The following MPP4 variants were observed in gnomAD, a reference collection of about 807,000 sequenced individuals.
The protein encoded by MPP4 is MAGUK p55 scaffold protein 4.
A neutral mutation model predicts 98.3 loss-of-function variants in MPP4; 91 were observed. That is an observed-to-expected ratio of 0.93 (90% CI 0.78 to 1.10). The LOEUF (loss-of-function observed/expected upper bound fraction) is 1.10, where lower values mean the gene tolerates loss of function less well. MPP4 is among the 50% of genes least tolerant of loss of function. The pLI, the probability that MPP4 is intolerant of heterozygous loss-of-function variation, is 0.00. For missense variants in MPP4, 744 were observed against 792.9 expected (o/e 0.94, Z 0.74); for synonymous variants, 261 against 271.8 (o/e 0.96, Z 0.39).
chr2:201,660,433 C>T, intron 14 of MPP4, 87 bp from the exon 15 acceptor site: 4 of 1,452,784 alleles, frequency 2.8e-6, no homozygotes, highest in Non-Finnish European at 3.9e-6. Context: ...AGGCAAATGA[C>T]ATAAGCAAGA....
chr2:201,666,336 G>A lies in MPP4; in HGVS notation c.1049C>T (p.Ala350Val), dbSNP rs1373797199. ...DMKIDEKCVE[A>V]DEETFESEEL... ...AAGCAATCAAGAGAAAATGTTACCT[G>A]CTTCCACACATTTCTCATCAATCTT... The change falls in exon 13 of 22, where the codon GCA becomes GTA. Residue 350 changes from alanine (A) to valine (V), a missense_variant and splice_region_variant. Ala to Val is a moderately conservative substitution (Grantham distance 64). Transcript: ENST00000409474. The A allele has an allele frequency of 3.2e-6, 5 of 1,555,682 alleles. No individual in the cohort carries two copies. The highest frequency in any genetic ancestry group is 4.3e-6 in the Non-Finnish European group (5 of 1,149,630).
chr2:201,677,794 G>A (rs1439605290), intron 10 of MPP4, among the ~76,000 whole-genome samples: 1 of 152,186 alleles, frequency 6.6e-6, no homozygotes, highest in African/African-American at 2.4e-5. Context: ...TCATAGCAAA[G>A]TTGGAGAGGT....
At chr2:201,694,684 T>C (rs1689132658) in intron 1 of MPP4, among the ~76,000 whole-genome samples, 1 of 135,524 alleles carries the variant, frequency 7.4e-6, no homozygotes, top group South Asian at 2.5e-4. Flanking sequence ...GGCATGATCA[T>C]GGCTCATGAT....
Position 201,686,027 on chromosome 2 carries a change from C to G in MPP4, c.384G>C (p.Thr128=). The change falls in exon 6 of 22, where the codon ACG becomes ACC. Residue 128 remains threonine (T), a synonymous_variant. Coordinates refer to ENST00000409474, the MANE Select transcript of MPP4 (RefSeq NM_033066.3). ...GGGGTTCAAAATCTTTCTGAGCTATCGTGTCATGGGCACTGAGCAAGGCCT... is the reference window on the plus strand; with the variant it reads ...GGGGTTCAAAATCTTTCTGAGCTATGGTGTCATGGGCACTGAGCAAGGCCT... ...HFKALLSAHD[T]IAQKDFEPLL... is the part of the protein sequence containing the mutation. 6.2e-7 allele frequency: 1 copy of G among 1,612,074 alleles called. No individual in the cohort carries two copies. Among genetic ancestry groups the G allele is most frequent in the Non-Finnish European group, 8.5e-7 (1 of 1,178,438 alleles).
chr2:201,681,565 G>A lies in MPP4; in HGVS notation c.663C>T (p.Ala221=), dbSNP rs771307033. The A allele has an allele frequency of 7.4e-6, 12 of 1,613,108 alleles. No homozygotes were observed. Among genetic ancestry groups the A allele is most frequent in the Non-Finnish European group, 1.0e-5 (12 of 1,179,410 alleles). The part of the protein sequence containing the change: ...LDPEQVIHIL[A]MSRGTIMFKV... ...TGAACATGATTGTGCCTCGAGACAT[G>A]GCCTGGAAAATAAGAGAGGAGAAAG... Residue 221 remains alanine (A), a splice_region_variant and synonymous_variant, in exon 9 of 22, where the codon GCC becomes GCT. Transcript: ENST00000409474.
At chr2:201,666,200 G>A in intron 13 of MPP4, 134 bp downstream of exon 13, 1 of 604,466 alleles carries the variant, frequency 1.7e-6, no homozygotes, top group South Asian at 2.6e-5. Flanking sequence ...GAAGATAGAT[G>A]GGGGTGGAGG....
intron 11 of MPP4, among the ~76,000 whole-genome samples, chr2:201,672,178 A>G (rs528287655): frequency 6.6e-6 from 1 of 152,330 alleles, no homozygotes; most frequent in South Asian, 2.1e-4. Flanking sequence ...GGCAGAAATA[A>G]ATAAGTTATT....
rs778901149 is a variant in MPP4 at position 201,687,371 on chromosome 2, C to G, written c.280G>C (p.Val94Leu). 2 of 1,571,710 alleles carry G rather than the reference C, an allele frequency of 1.3e-6. No individual in the cohort carries two copies. The highest frequency in any genetic ancestry group is 1.7e-6 in the Non-Finnish European group (2 of 1,156,700). Residue 94 changes from valine (V) to leucine (L), a missense_variant and splice_region_variant, in exon 5 of 22, where the codon GTA becomes CTA. Transcript: ENST00000409474. The part of the protein sequence containing the change: ...TPHAQVLSYE[V>L]VELLRETPTS... Reference sequence around the variant, plus strand: ...GGGGTTTCACGTAATAACTCCACTACCTGGTTCATGGAAAAGGATACATTA... The same window carrying G: ...GGGGTTTCACGTAATAACTCCACTAGCTGGTTCATGGAAAAGGATACATTA...
At chr2:201,680,061 T>G (rs2105937363) in intron 10 of MPP4, 1 of 152,354 alleles carries the variant, frequency 6.6e-6, no homozygotes, top group South Asian at 2.1e-4. Flanking sequence ...CTGGTTCCAT[T>G]TTTTCTTCTT....
chr2:201,697,601 G>A (rs1327527208), intron 1 of MPP4, among the ~76,000 whole-genome samples: 2 of 152,184 alleles, frequency 1.3e-5, no homozygotes, highest in African/African-American at 4.8e-5. Flanking sequence ...GAAGTAAAAG[G>A]CTGATACCTC....
intron 21 of MPP4, among the ~76,000 whole-genome samples, chr2:201,647,209 A>G (rs899280190): frequency 2.0e-5 from 3 of 152,256 alleles, no homozygotes; most frequent in African/African-American, 7.2e-5. Flanking sequence ...ATCATTTTAC[A>G]GATGAGATAT....
At chr2:201,664,415 T>C in intron 13 of MPP4, 3 of 1,192,144 alleles carry the variant, frequency 2.5e-6, no homozygotes, top group Non-Finnish European at 3.4e-6. Flanking sequence ...AAGTGGAATG[T>C]CAGGGAAATC....
At chr2:201,675,138 T>C in intron 11 of MPP4, 69 bp downstream of exon 11, 1 of 1,493,554 alleles carries the variant, frequency 6.7e-7, no homozygotes, top group Non-Finnish European at 9.2e-7. Context: ...AATTAGACTC[T>C]TTATTTACTG....
Position 201,645,164 on chromosome 2 carries a change from T to C in MPP4, c.*46A>G, listed in dbSNP as rs1464005137. The C allele has an allele frequency of 2.2e-5, 33 of 1,492,700 alleles. No individual in the cohort carries two copies. In the East Asian group the frequency reaches 7.6e-4, roughly 34 times the overall value. 92.5% of individuals were successfully genotyped at this position (1,492,700 alleles called of 1,614,324 possible). ...GTTTTAGATTGCAACTATGGATCGC[T>C]GTATCAAGGGTACAGTGTTAAAACT... On this transcript the variant is annotated 3_prime_UTR_variant, in exon 22 of 22. Coordinates refer to ENST00000409474, the MANE Select transcript of MPP4 (RefSeq NM_033066.3).
intron 4 of MPP4, among the ~76,000 whole-genome samples, chr2:201,688,376 T>C (rs1044471312): frequency 6.6e-6 from 1 of 152,104 alleles, no homozygotes; most frequent in Non-Finnish European, 1.5e-5. Flanking sequence ...TTTTGTTTGA[T>C]GGTGACAAGT....
rs374502286 is a variant in MPP4 at position 201,668,446 on chromosome 2, CTCTT to C, written c.1012+1283_1012+1286del. 3.2e-3 allele frequency among the ~76,000 whole-genome samples: 458 copies of C among 142,644 alleles called. 5 individuals are homozygous for C. The highest frequency in any genetic ancestry group is 0.013 in the African/African-American group (445 of 35,120). The allele number at this position is 142,644 out of a possible 152,430, so 93.6% of individuals were successfully genotyped here. A position where few individuals can be genotyped will look rare whatever the true frequency, so the allele number is the denominator to read the frequency against. On this transcript the variant is annotated intron_variant, in intron 12 of 21. Coordinates refer to ENST00000409474, the MANE Select transcript of MPP4 (RefSeq NM_033066.3). ...ACACATCAGATCAATCGATCTCTCT[CTCTT>C]TCTCTTCTCTTCTCTTCTCTTCTCT...
chr2:201,674,914 G>A lies in MPP4; in HGVS notation c.994+293C>T, dbSNP rs138538270. On this transcript the variant is annotated intron_variant, in intron 11 of 21. Coordinates refer to ENST00000409474, the MANE Select transcript of MPP4 (RefSeq NM_033066.3). ...GACCCACCAACCAATGGCTCCTGTG[G>A]CTCCACCCAGAAGCAACTCAGTACA... 2.1e-3 allele frequency: 1,059 copies of A among 493,924 alleles called. 9 individuals are homozygous for A. Among genetic ancestry groups the A allele is most frequent in the African/African-American group, 0.014 (726 of 51,684 alleles). The allele number at this position is 493,924 out of a possible 1,614,324, so 30.6% of individuals were successfully genotyped here. A position where few individuals can be genotyped will look rare whatever the true frequency, so the allele number is the denominator to read the frequency against.
chr2:201,684,148 A>G (rs1688748068), intron 7 of MPP4, among the ~76,000 whole-genome samples: 1 of 151,492 alleles, frequency 6.6e-6, no homozygotes, highest in African/African-American at 2.4e-5. Context: ...GAGCCCAGGA[A>G]GTTGAGGCTA....
chr2:201,682,068 G>A (rs1273881598), intron 8 of MPP4, among the ~76,000 whole-genome samples: 2 of 152,112 alleles, frequency 1.3e-5, no homozygotes, highest in Non-Finnish European at 2.9e-5. Flanking sequence ...CTCAGACCGG[G>A]GGAAGGAAGA....
Sources: allele counts gnomAD v4.1 joint callset (sites outside exome capture counted in the v4.1 genomes callset), GRCh38; gene constraint gnomAD v4.1.1; transcripts MANE v1.5; gene names NCBI Gene and HGNC (gene_info 2026-07-23, HGNC 2026-07-21).